Variants in MYO18A observed in about 807,000 individuals in gnomAD.
MYO18A encodes myosin XVIIIA, also known as unconventional myosin-XVIIIa.
In MYO18A, 78 loss-of-function variants were observed where a neutral mutation model predicts 235.8. The observed-to-expected ratio is 0.33, with a 90% CI of 0.28 to 0.40. The LOEUF (loss-of-function observed/expected upper bound fraction) is 0.40, where lower values mean the gene tolerates loss of function less well. MYO18A is among the 10% of genes least tolerant of loss of function. The pLI is 1.00. For synonymous variants in MYO18A, 977 were observed against 1,077.8 expected, an observed-to-expected ratio of 0.91 and a Z score of 1.83; for missense variants, 2,215 against 2,699.3, an observed-to-expected ratio of 0.82 and a Z score of 3.98.
chr17:29,093,317 CCT>C lies in MYO18A; in HGVS notation c.4926+4_4926+5del, dbSNP rs1367099840. 1.2e-6 allele frequency: 2 copies of C among 1,608,898 alleles called. No homozygotes were observed. Among genetic ancestry groups the C allele is most frequent in the African/African-American group, 2.7e-5 (2 of 74,808 alleles). On this transcript the variant is annotated splice_donor_5th_base_variant and intron_variant, in intron 32 of 41. Coordinates refer to ENST00000527372, the MANE Select transcript of MYO18A (RefSeq NM_078471.4). ...GCCAGGCTTGGTGGGTGGAGCATCC[CCT>C]GACCTGGTCGCTGAGGGTGGCGAGC...
intron 13 of MYO18A, 49 bp from the exon 14 acceptor site, chr17:29,115,148 C>A (rs761175675): frequency 6.4e-7 from 1 of 1,551,920 alleles, no homozygotes; most frequent in Admixed American, 1.9e-5. Flanking sequence ...GCCCCGGGCA[C>A]CAGGAAGCCC....
At position 29,130,824 on chromosome 17, in the gene MYO18A, A is replaced by G. The variant is rs1405392118; in HGVS notation, c.1000-8571T>C. Among the ~76,000 whole-genome samples the G allele has an allele frequency of 5.3e-5, 8 of 152,130 alleles. No homozygotes were observed. The East Asian group carries it at 1.5e-3, about 29-fold the overall frequency. On this transcript the variant is annotated intron_variant, in intron 2 of 41. Coordinates refer to ENST00000527372, the MANE Select transcript of MYO18A (RefSeq NM_078471.4). Reference sequence around the variant, plus strand: ...AGGTTTATTCAGGGTCTCTATCCCAATGCGCTGGGGCTGGAGGCAGTGAGT... The same window carrying G: ...AGGTTTATTCAGGGTCTCTATCCCAGTGCGCTGGGGCTGGAGGCAGTGAGT...
At chr17:29,119,754 G>C (rs2067154286) in intron 7 of MYO18A, among the ~76,000 whole-genome samples, 1 of 151,926 alleles carries the variant, frequency 6.6e-6, no homozygotes, top group South Asian at 2.1e-4. Flanking sequence ...AGTAGAGATG[G>C]GGTTTTGCCA....
chr17:29,078,049 C>G (rs1281285043), intron 41 of MYO18A: 2 of 152,214 alleles, frequency 1.3e-5, no homozygotes, highest in African/African-American at 4.8e-5. Flanking sequence ...GAGTCTCGCT[C>G]TGTAGCCCAG....
Position 29,115,608 on chromosome 17 carries a change from G to C in MYO18A, c.2227+56C>G, listed in dbSNP as rs1344795281. The C allele has an allele frequency of 2.0e-6, 3 of 1,520,336 alleles. 1 individual carries two copies. Among genetic ancestry groups the C allele is most frequent in the Non-Finnish European group, 2.7e-6 (3 of 1,130,996 alleles). 94.2% of individuals were successfully genotyped at this position (1,520,336 alleles called of 1,614,324 possible). A position where few individuals can be genotyped will look rare whatever the true frequency, so the allele number is the denominator to read the frequency against. On this transcript the variant is annotated intron_variant, in intron 12 of 41. Coordinates refer to ENST00000527372, the MANE Select transcript of MYO18A (RefSeq NM_078471.4). ...GTCCCCTCCCGCCCCAGGGATGGCAGCAAGCCCCAGATGAGGCCTCACACT... is the reference window on the plus strand; with the variant it reads ...GTCCCCTCCCGCCCCAGGGATGGCACCAAGCCCCAGATGAGGCCTCACACT...
chr17:29,159,313 GC>G (rs1205200474), intron 2 of MYO18A, among the ~76,000 whole-genome samples: 4 of 151,846 alleles, frequency 2.6e-5, no homozygotes, highest in African/African-American at 9.7e-5. Context: ...CTTGACACCT[GC>G]CCCCTGCCCC....
intron 2 of MYO18A, among the ~76,000 whole-genome samples, chr17:29,136,249 AAATAT>A (rs1176321410): frequency 0.12 from 9,443 of 77,428 alleles, 246 homozygotes; most frequent in Middle Eastern, 0.18. Context: ...AAAAAAAAAA[AAATAT>A]ATATATATAT....
chr17:29,131,423 G>A (rs1224407861), intron 2 of MYO18A: 3 of 985,830 alleles, frequency 3.0e-6, no homozygotes, highest in South Asian at 9.4e-5. Flanking sequence ...CTTTGGCAGA[G>A]TTTTGTCCTC....
intron 10 of MYO18A, among the ~76,000 whole-genome samples, chr17:29,116,660 C>G (rs2067073108): frequency 8.5e-6 from 1 of 117,596 alleles, no homozygotes; most frequent in Admixed American, 9.6e-5. Context: ...TGTAATCACA[C>G]TGACACACAC....
intron 1 of MYO18A, among the ~76,000 whole-genome samples, chr17:29,175,053 C>T (rs532776179): frequency 1.3e-5 from 2 of 152,212 alleles, no homozygotes; most frequent in East Asian, 1.9e-4. Flanking sequence ...AATATATGCT[C>T]TGGGGAGGAG....
At chr17:29,154,127 C>T (rs555587321) in intron 2 of MYO18A, among the ~76,000 whole-genome samples, 2,939 of 110,570 alleles carry the variant, frequency 0.027, 92 homozygotes, top group African/African-American at 0.084. Flanking sequence ...TGTGTGCGCG[C>T]GCGTGCGTGT....
At chr17:29,081,013 G>A in intron 41 of MYO18A, 1 of 985,400 alleles carries the variant, frequency 1.0e-6, no homozygotes, top group Non-Finnish European at 1.2e-6. Flanking sequence ...GTTGAGGGCC[G>A]TTCCGAGGGA....
At chr17:29,155,248 A>G (rs940697315) in intron 2 of MYO18A, 14 of 152,326 alleles carry the variant, frequency 9.2e-5, no homozygotes, top group Non-Finnish European at 5.9e-5. Context: ...AGTGTTCATC[A>G]AGGTGTCCTG....
At chr17:29,096,570 G>A (rs952076174) in intron 28 of MYO18A, among the ~76,000 whole-genome samples, 191 bp downstream of exon 28, 7 of 152,200 alleles carry the variant, frequency 4.6e-5, no homozygotes, top group African/African-American at 1.7e-4. Context: ...GGCCTTCAGT[G>A]GGGACACAGC....
intron 2 of MYO18A, chr17:29,128,639 G>T: frequency 1.1e-6 from 1 of 951,302 alleles, no homozygotes; most frequent in Non-Finnish European, 1.4e-6. Flanking sequence ...CTCACGCCCT[G>T]GAACAGATCT....
rs2068104193 is a variant in MYO18A, at chr17:29,158,427, A to G, written c.999+7515T>C. ...ATTTAACAGAACAGAAGCTGCTGCC[A>G]AACACCATGCGGGACTCTTGAATTG... is the stretch of plus-strand genomic sequence containing the variant. On this transcript the variant is annotated intron_variant, in intron 2 of 41. Coordinates refer to ENST00000527372, the MANE Select transcript of MYO18A (RefSeq NM_078471.4). The surrounding 1 kb of genome is among the most constrained non-coding windows in gnomAD (Gnocchi z 4.3). 6.6e-6 allele frequency among the ~76,000 whole-genome samples: 1 copy of G among 151,634 alleles called. No individual in the cohort carries two copies. Among genetic ancestry groups the G allele is most frequent in the South Asian group, 2.1e-4 (1 of 4,768 alleles).
intron 30 of MYO18A, 112 bp downstream of exon 30, chr17:29,094,538 G>T: frequency 9.3e-7 from 1 of 1,072,334 alleles, no homozygotes; most frequent in Non-Finnish European, 1.4e-6. Flanking sequence ...GTGAGTGAGT[G>T]AATACGCGAA....
intron 32 of MYO18A, 48 bp from the exon 33 acceptor site, chr17:29,093,049 C>T (rs753336812): frequency 6.3e-7 from 1 of 1,582,836 alleles, no homozygotes; most frequent in Non-Finnish European, 8.6e-7. Context: ...ACAGGGCTTC[C>T]TCCTATCTTC....
At position 29,118,040 on chromosome 17, in the gene MYO18A, GT is replaced by G; in HGVS notation, c.2038+4del. 2 of 1,576,656 alleles carry G rather than the reference GT, an allele frequency of 1.3e-6. No individual in the cohort carries two copies. The highest frequency in any genetic ancestry group is 1.2e-5 in the South Asian group (1 of 85,906). Reference sequence around the variant, plus strand: ...GCCAGCCTACTGGGACCCACTGCAGGTTACCTTTGGTGGCTCCCGCAGCCCC... The same window carrying G: ...GCCAGCCTACTGGGACCCACTGCAGGTACCTTTGGTGGCTCCCGCAGCCCC... On this transcript the variant is annotated splice_donor_region_variant and intron_variant, in intron 10 of 41. Transcript: ENST00000527372. This position sits in a 1 kb window ranked among gnomAD's most constrained non-coding sequence, Gnocchi z 4.2.
Sources: gnomAD v4.1 joint callset for allele counts (sites outside exome capture counted in the v4.1 genomes callset) on GRCh38, gnomAD v4.1.1 for gene constraint, Gnocchi (gnomAD v3.1) non-coding constraint, MANE v1.5 for transcripts, NCBI Gene and HGNC (gene_info 2026-07-23, HGNC 2026-07-21) for gene names.